The following MIA2 variants were observed in gnomAD, a reference collection of about 807,000 sequenced individuals.
MIA2 encodes melanoma inhibitory activity protein 2.
Under a neutral mutation model 167.8 loss-of-function variants are expected in MIA2, and 127 were observed. The ratio of observed to expected loss-of-function variants is 0.76; its 90% CI spans 0.66 to 0.88. The LOEUF is 0.88. Among genes scored for constraint, MIA2 ranks in the 40% least tolerant of loss-of-function variants. MIA2 has a pLI of 0.00. For synonymous variants in MIA2, 552 were observed against 541.9 expected (o/e 1.02, Z -0.26); for missense variants, 1,690 against 1,624.7 (o/e 1.04, Z -0.69).
chr14:39,287,802 C>G (rs1450269706), intron 9 of MIA2, among the ~76,000 whole-genome samples: 2 of 151,990 alleles, frequency 1.3e-5, no homozygotes, highest in Admixed American at 1.3e-4. Context: ...ACCTCATGAT[C>G]TGCCCGCCTC....
Position 39,311,734 on chromosome 14 carries a change from C to T in MIA2, c.3018-1606C>T, listed in dbSNP as rs144467808. On this transcript the variant is annotated intron_variant, in intron 18 of 28. Coordinates refer to ENST00000640607, the MANE Select transcript of MIA2 (RefSeq NM_001329214.4). ...CAAACTCCTGACCTCTAGTGATCTG[C>T]CCACCTTGGCCTTTCAAAGTGTGGG... 9.8e-3 allele frequency among the ~76,000 whole-genome samples: 1,488 copies of T among 151,534 alleles called. 22 individuals are homozygous for T. The highest frequency in any genetic ancestry group is 0.033 in the African/African-American group (1,370 of 41,298).
rs141157956 is a variant in MIA2 at position 39,332,589 on chromosome 14, G to T, written c.3655+5567G>T. 1.0e-3 allele frequency among the ~76,000 whole-genome samples: 156 copies of T among 152,184 alleles called. 1 individual carries two copies. In the East Asian group the frequency reaches 0.024, roughly 23 times the overall value. Reference sequence around the variant, plus strand: ...ATCTTCCTGGATTTATTTACCATTGGTCTTTGCTGTTGATGACCTTCGGAT... The same window carrying T: ...ATCTTCCTGGATTTATTTACCATTGTTCTTTGCTGTTGATGACCTTCGGAT... On this transcript the variant is annotated intron_variant, in intron 25 of 28. Coordinates refer to ENST00000640607, the MANE Select transcript of MIA2 (RefSeq NM_001329214.4).
At chr14:39,306,574 A>G (rs2063376091) in intron 17 of MIA2, among the ~76,000 whole-genome samples, 1 of 152,208 alleles carries the variant, frequency 6.6e-6, no homozygotes, top group Non-Finnish European at 1.5e-5. Flanking sequence ...CACCTCTAAC[A>G]TTGGGAATTA....
At chr14:39,284,504 T>G (rs916984921) in intron 9 of MIA2, among the ~76,000 whole-genome samples, 2 of 152,174 alleles carry the variant, frequency 1.3e-5, no homozygotes, top group African/African-American at 4.8e-5. Context: ...ACTCTATTTT[T>G]CTCAGAATTG....
intron 6 of MIA2, among the ~76,000 whole-genome samples, chr14:39,259,698 GTTTTTTTTTTTT>G (rs10556014): frequency 8.7e-6 from 1 of 115,374 alleles, no homozygotes; most frequent in African/African-American, 3.5e-5. Flanking sequence ...GCCTGGCTAG[GTTTTTTTTTTTT>G]TTTTTTTTTT....
chr14:39,254,734 G>T (rs1333972661), intron 6 of MIA2, among the ~76,000 whole-genome samples: 2 of 146,482 alleles, frequency 1.4e-5, no homozygotes, highest in African/African-American at 5.5e-5. Context: ...TTTAATACTG[G>T]CAAATATTCA....
intron 21 of MIA2, among the ~76,000 whole-genome samples, chr14:39,316,218 A>G (rs1163305202): frequency 1.3e-5 from 2 of 152,230 alleles, no homozygotes; most frequent in African/African-American, 4.8e-5. Context: ...TGTGCTCCAG[A>G]GGAACTAACT....
chr14:39,289,246 A>G (rs951939847), intron 9 of MIA2, among the ~76,000 whole-genome samples: 1 of 150,164 alleles, frequency 6.7e-6, no homozygotes, highest in South Asian at 2.1e-4. Flanking sequence ...TTTTTGAGAC[A>G]GTCTTGCTAT....
Position 39,308,500 on chromosome 14 carries a change from C to A in MIA2, c.2930C>A (p.Thr977Lys). The change falls in exon 18 of 29, where the codon ACA (threonine) becomes AAA (lysine). Residue 977 changes from threonine (T) to lysine (K), a missense_variant. Physicochemically the swap from Thr to Lys is moderately conservative, Grantham distance 78 (BLOSUM62 -1). Transcript: ENST00000640607. ...TEQASLQSEN[T>K]HFENENQKLQ... is the part of the protein sequence containing the mutation. ...CAAGCATCTTTGCAGTCAGAAAACA[C>A]ACATTTTGAAAATGAGAATCAGAAG... 3 of 1,574,394 alleles carry A rather than the reference C, an allele frequency of 1.9e-6. No homozygotes were observed. The highest frequency in any genetic ancestry group is 2.6e-6 in the Non-Finnish European group (3 of 1,155,944).
At chr14:39,375,109 TAGTA>T (rs10556555) in intron 23 of MIA2, among the ~76,000 whole-genome samples, 44,707 of 151,778 alleles carry the variant, frequency 0.29, 6,842 homozygotes, top group East Asian at 0.5. Context: ...TGCTGCTTGT[TAGTA>T]AGGGAGAAGC....
rs1484078955 is a variant in MIA2 at position 39,288,561 on chromosome 14, G to A, written c.2131-2458G>A. Among the ~76,000 whole-genome samples, 8 of 145,710 alleles carry A rather than the reference G, an allele frequency of 5.5e-5. No individual in the cohort carries two copies. The South Asian group carries it at 1.1e-3, about 20-fold the overall frequency. On this transcript the variant is annotated intron_variant, in intron 9 of 28. Coordinates refer to ENST00000640607, the MANE Select transcript of MIA2 (RefSeq NM_001329214.4). ...GTGATCTCAGCACACTGCAACCTCC[G>A]CCTCCCGGGTTCAAGCGATTCTCCT...
At chr14:39,302,371 T>G in intron 15 of MIA2, 122 bp downstream of exon 15, 8 of 1,109,350 alleles carry the variant, frequency 7.2e-6, no homozygotes, top group Non-Finnish European at 1.0e-5. Flanking sequence ...TGTCTGTCTG[T>G]GACACACTGT....
intron 4 of MIA2, among the ~76,000 whole-genome samples, chr14:39,250,980 TA>T (rs1345051511): frequency 1.3e-5 from 2 of 151,996 alleles, no homozygotes; most frequent in Non-Finnish European, 1.5e-5. Flanking sequence ...AATTTGTTTT[TA>T]AAAAAGCATC....
intron 25 of MIA2, among the ~76,000 whole-genome samples, chr14:39,333,112 T>G (rs2069330030): frequency 6.6e-6 from 1 of 152,206 alleles, no homozygotes; most frequent in African/African-American, 2.4e-5. Flanking sequence ...TAATAACTGC[T>G]TTAAAGTCAT....
chr14:39,379,668 A>G (rs1228549487), intron 23 of MIA2, among the ~76,000 whole-genome samples: 1 of 152,096 alleles, frequency 6.6e-6, no homozygotes, highest in African/African-American at 2.4e-5. Flanking sequence ...TCTGGCCAAC[A>G]TGGCAAAACC....
At chr14:39,348,079 C>G (rs575854247) in intron 27 of MIA2, among the ~76,000 whole-genome samples, 13 of 152,282 alleles carry the variant, frequency 8.5e-5, no homozygotes, top group African/African-American at 1.4e-4. Context: ...TCCCAAAGTG[C>G]TGGTATTACA....
intron 23 of MIA2, among the ~76,000 whole-genome samples, chr14:39,373,650 G>A (rs2074993696): frequency 6.6e-6 from 1 of 151,944 alleles, no homozygotes; most frequent in Non-Finnish European, 1.5e-5. Flanking sequence ...GTGAAACCTT[G>A]TCTCTATTAA....
chr14:39,293,394 TA>T lies in MIA2; in HGVS notation c.2319+14del, dbSNP rs1342667032. On this transcript the variant is annotated intron_variant, in intron 11 of 28. Coordinates refer to ENST00000640607, the MANE Select transcript of MIA2 (RefSeq NM_001329214.4). ...ACAAGATGAATTGGTAAGGCTTTTTTATTTGAGGAGAATATAAGAAAAAGAA... is the reference window on the plus strand; with the variant it reads ...ACAAGATGAATTGGTAAGGCTTTTTTTTTGAGGAGAATATAAGAAAAAGAA... The T allele has an allele frequency of 6.8e-7, 1 of 1,474,448 alleles. No homozygotes were observed. The highest frequency in any genetic ancestry group is 9.4e-7 in the Non-Finnish European group (1 of 1,065,912). The allele number at this position is 1,474,448 out of a possible 1,614,324, so 91.3% of individuals were successfully genotyped here.
At chr14:39,347,838 T>TTTTTTTTC in intron 27 of MIA2, 67 bp downstream of exon 27, 1 of 1,346,928 alleles carries the variant, frequency 7.4e-7, no homozygotes. Flanking sequence ...TTTTTTTTTT[T>TTTTTTTTC]TTTATGGAGT....
Sources: gnomAD v4.1 joint callset for allele counts (sites outside exome capture counted in the v4.1 genomes callset) on GRCh38, gnomAD v4.1.1 for gene constraint, MANE v1.5 for transcripts, NCBI Gene and HGNC (gene_info 2026-07-23, HGNC 2026-07-21) for gene names.